LORICRIN: variants seen among roughly 807,000 people sequenced by gnomAD.
LORICRIN encodes the protein loricrin cornified envelope precursor protein.
LORICRIN carries 5 observed loss-of-function variants against 3.3 expected under a neutral mutation model. The observed-to-expected ratio is 1.52, with a 90% confidence interval of 0.79 to 3.19. The LOEUF (loss-of-function observed/expected upper bound fraction) is 3.19, where lower values mean the gene tolerates loss of function less well. Among genes scored for constraint, LORICRIN ranks in the 30% most tolerant of loss-of-function variants. The probability of loss-of-function intolerance (pLI) is 0.00; values close to 1 mark genes in which losing one functional copy is unlikely to be tolerated. For missense variants in LORICRIN, 524 were observed against 460.2 expected (o/e 1.14, Z -1.27); for synonymous variants, 237 against 231.4 (o/e 1.02, Z -0.22).
At chr1:153,260,855 C>T in intron 1 of LORICRIN, 72 bp from the exon 2 acceptor site, 3 of 1,114,724 alleles carry the variant, frequency 2.7e-6, no homozygotes, top group Non-Finnish European at 4.0e-6. Flanking sequence ...GGCGATGTTG[C>T]CTATGGATGC....
rs765886859 is a variant in LORICRIN at position 153,261,759 on chromosome 1, C to T, written c.810C>T (p.Ser270=). The T allele has an allele frequency of 2.5e-6, 4 of 1,580,106 alleles. No homozygotes were observed. Among genetic ancestry groups the T allele is most frequent in the African/African-American group, 2.7e-5 (2 of 73,614 alleles). ...GSGCIISGGG[S]VCGGGSSGGG... ...GCTGCATCATCAGTGGCGGGGGCTC[C>T]GTCTGCGGAGGTGGTTCCTCTGGAG... The change falls in exon 2 of 2, where the codon TCC becomes TCT. Residue 270 remains serine (S), a synonymous_variant. Coordinates refer to ENST00000368742, the MANE Select transcript of LORICRIN (RefSeq NM_000427.3).
Position 153,261,118 on chromosome 1 carries a change from G to A in LORICRIN, c.169G>A (p.Gly57Ser). 7 of 1,386,022 alleles carry A rather than the reference G, an allele frequency of 5.1e-6. No individual in the cohort carries two copies. In the South Asian group the frequency reaches 1.0e-4, roughly 20 times the overall value. 85.9% of individuals were successfully genotyped at this position (1,386,022 alleles called of 1,614,324 possible). A position where few individuals can be genotyped will look rare whatever the true frequency, so the allele number is the denominator to read the frequency against. The change falls in exon 2 of 2, where the codon GGT becomes AGT. Residue 57 changes from glycine to serine, a missense_variant. Coordinates refer to ENST00000368742, the MANE Select transcript of LORICRIN (RefSeq NM_000427.3). ...SGSGCGYSGG[G>S]GYSGGGCGGG... ...TTCTGGCTGCGGCTACTCCGGCGGCGGTGGCTACTCTGGCGGCGGCTGCGG... is the reference window on the plus strand; with the variant it reads ...TTCTGGCTGCGGCTACTCCGGCGGCAGTGGCTACTCTGGCGGCGGCTGCGG...
chr1:153,261,209 G>C lies in LORICRIN; in HGVS notation c.260G>C (p.Ser87Thr). ...GGCTGCGGAGGGGGCTCCGGTGGGAGCGTCAAGTACTCCGGAGGCGGCGGC... is the reference window on the plus strand; with the variant it reads ...GGCTGCGGAGGGGGCTCCGGTGGGACCGTCAAGTACTCCGGAGGCGGCGGC... ...IGGCGGGSGG[S>T]VKYSGGGGSS... The change falls in exon 2 of 2, where the codon AGC becomes ACC. Residue 87 changes from serine (S) to threonine (T), a missense_variant. Coordinates refer to ENST00000368742, the MANE Select transcript of LORICRIN (RefSeq NM_000427.3). 7.4e-7 allele frequency: 1 copy of C among 1,352,196 alleles called. No individual in the cohort carries two copies. The highest frequency in any genetic ancestry group is 9.5e-7 in the Non-Finnish European group (1 of 1,056,624). The allele number at this position is 1,352,196 out of a possible 1,614,324, so 83.8% of individuals were successfully genotyped here. A position where few individuals can be genotyped will look rare whatever the true frequency, so the allele number is the denominator to read the frequency against.
Position 153,261,018 on chromosome 1 carries a change from T to TGGCGGTGGC in LORICRIN, c.75_83dup (p.Gly26_Gly28dup), listed in dbSNP as rs760649690. ...ACTGCGTGAAGACCTCTGGCGGCGG[T>TGGCGGTGGC]GGCGGTGGCGGCGGCAGCGGCGGTG... is the stretch of plus-strand genomic sequence containing the variant. On this transcript the variant is annotated inframe_insertion, in exon 2 of 2. Coordinates refer to ENST00000368742, the MANE Select transcript of LORICRIN (RefSeq NM_000427.3). 27 of 1,564,792 alleles carry TGGCGGTGGC rather than the reference T, an allele frequency of 1.7e-5. No homozygotes were observed. Among genetic ancestry groups the TGGCGGTGGC allele is most frequent in the Non-Finnish European group, 2.3e-5 (26 of 1,152,796 alleles).
At position 153,261,537 on chromosome 1, in the gene LORICRIN, C is replaced by A; in HGVS notation, c.588C>A (p.Cys196Ter). 1.3e-6 allele frequency: 2 copies of A among 1,512,782 alleles called. No individual in the cohort carries two copies. The highest frequency in any genetic ancestry group is 1.8e-6 in the Non-Finnish European group (2 of 1,135,204). The allele number at this position is 1,512,782 out of a possible 1,614,324, so 93.7% of individuals were successfully genotyped here. A position where few individuals can be genotyped will look rare whatever the true frequency, so the allele number is the denominator to read the frequency against. ...VCGYSGGGSG[C>*]GGGSSGGSGS... is the part of the protein sequence containing the mutation. Reference sequence around the variant, plus strand: ...GCTACTCTGGCGGCGGCTCTGGCTGCGGCGGAGGCTCCTCTGGCGGCAGCG... The same window carrying A: ...GCTACTCTGGCGGCGGCTCTGGCTGAGGCGGAGGCTCCTCTGGCGGCAGCG... The change falls in exon 2 of 2, where the codon TGC becomes TGA. Residue 196 changes from cysteine (C) to a stop codon, truncating the protein, a stop_gained. Coordinates refer to ENST00000368742, the MANE Select transcript of LORICRIN (RefSeq NM_000427.3). LOFTEE classifies it low-confidence loss of function (END_TRUNC).
At chr1:153,259,886 G>C (rs575672896) in intron 1 of LORICRIN, among the ~76,000 whole-genome samples, 153 bp downstream of exon 1, 33 of 152,330 alleles carry the variant, frequency 2.2e-4, no homozygotes, top group Admixed American at 9.1e-4. Context: ...CAGGAAAGGA[G>C]CAGGGGATGA....
chr1:153,261,735 C>T lies in LORICRIN; in HGVS notation c.786C>T (p.Gly262=), dbSNP rs763912292. 2.3e-5 allele frequency: 37 copies of T among 1,587,002 alleles called. No individual in the cohort carries two copies. The highest frequency in any genetic ancestry group is 2.7e-5 in the Non-Finnish European group (32 of 1,170,974). Residue 262 remains glycine, a synonymous_variant, in exon 2 of 2, where the codon GGC becomes GGT. Coordinates refer to ENST00000368742, the MANE Select transcript of LORICRIN (RefSeq NM_000427.3). ...GCGGCTCCTCCGGGATTGGCAGCGGCTGCATCATCAGTGGCGGGGGCTCCG... is the reference window on the plus strand; with the variant it reads ...GCGGCTCCTCCGGGATTGGCAGCGGTTGCATCATCAGTGGCGGGGGCTCCG... ...CGGGSSGIGS[G]CIISGGGSVC...
At chr1:153,260,896 G>A in intron 1 of LORICRIN, 31 bp from the exon 2 acceptor site, 1 of 1,454,806 alleles carries the variant, frequency 6.9e-7, no homozygotes, top group Non-Finnish European at 9.5e-7. Flanking sequence ...TCTTGCAGCT[G>A]GTCCAGCGAT....
rs1658818524 is a variant in LORICRIN, at chr1:153,261,918, G to A, written c.*30G>A. On this transcript the variant is annotated 3_prime_UTR_variant, in exon 2 of 2. Coordinates refer to ENST00000368742, the MANE Select transcript of LORICRIN (RefSeq NM_000427.3). ...CCCAGGGTACCACGGAGGCGAAGGA[G>A]TTGGAGGTGTTTTCCAGGGGCACCG... is the stretch of plus-strand genomic sequence containing the variant. 6.2e-7 allele frequency: 1 copy of A among 1,600,552 alleles called. No homozygotes were observed. Among genetic ancestry groups the A allele is most frequent in the African/African-American group, 1.3e-5 (1 of 74,680 alleles).
chr1:153,261,296 C>A lies in LORICRIN; in HGVS notation c.347C>A (p.Ser116Tyr), dbSNP rs1185570421. ...SGGGGSGCFS[S>Y]GGGGSSGGGS... ...GGGGGCGGCTCCGGCTGCTTCTCCT[C>A]CGGTGGCGGCGGCTCCTCCGGGGGC... Residue 116 changes from serine (S) to tyrosine (Y), a missense_variant, in exon 2 of 2, where the codon TCC (serine) becomes TAC (tyrosine). By Grantham distance (144) the Ser-to-Tyr change is moderately radical. Coordinates refer to ENST00000368742, the MANE Select transcript of LORICRIN (RefSeq NM_000427.3). 2 of 1,432,758 alleles carry A rather than the reference C, an allele frequency of 1.4e-6. No homozygotes were observed. The highest frequency in any genetic ancestry group is 1.4e-5 in the South Asian group (1 of 71,110). 88.8% of individuals were successfully genotyped at this position (1,432,758 alleles called of 1,614,324 possible).
chr1:153,261,027 C>CGGT lies in LORICRIN; in HGVS notation c.80_81insTGG (p.Gly28dup), dbSNP rs780328399. The stretch of plus-strand genomic sequence containing the variant: ...AGACCTCTGGCGGCGGTGGCGGTGG[C>CGGT]GGCGGCAGCGGCGGTGGTGGCTGCG... On this transcript the variant is annotated inframe_insertion, in exon 2 of 2. Transcript: ENST00000368742. 133 of 1,557,822 alleles carry CGGT rather than the reference C, an allele frequency of 8.5e-5. No homozygotes were observed. The highest frequency in any genetic ancestry group is 3.4e-4 in the Admixed American group (19 of 55,776).
rs769511015 is a variant in LORICRIN at position 153,261,898 on chromosome 1, G to T, written c.*10G>T. Reference sequence around the variant, plus strand: ...CTGGCCGTCCAAATAGATCCCCCAGGGTACCACGGAGGCGAAGGAGTTGGA... The same window carrying T: ...CTGGCCGTCCAAATAGATCCCCCAGTGTACCACGGAGGCGAAGGAGTTGGA... On this transcript the variant is annotated 3_prime_UTR_variant, in exon 2 of 2. Coordinates refer to ENST00000368742, the MANE Select transcript of LORICRIN (RefSeq NM_000427.3). The T allele has an allele frequency of 6.2e-7, 1 of 1,610,116 alleles. No homozygotes were observed. The highest frequency in any genetic ancestry group is 2.2e-5 in the East Asian group (1 of 44,766).
chr1:153,260,205 G>A (rs1658730796), intron 1 of LORICRIN, among the ~76,000 whole-genome samples: 1 of 152,228 alleles, frequency 6.6e-6, no homozygotes, highest in Admixed American at 6.5e-5. Context: ...TTCTGAGAGG[G>A]AAATACAACT....
Position 153,261,630 on chromosome 1 carries a change from G to GGGGT in LORICRIN, c.682_685dup (p.Ser229TrpfsTer108). On this transcript the variant is annotated frameshift_variant, in exon 2 of 2. Transcript: ENST00000368742. LOFTEE classifies it low-confidence loss of function (END_TRUNC). Reference sequence around the variant, plus strand: ...GCGCGCCCCAGCCGAGTTACGGAGGGGGGTCGTCCGGCGGCGGCGGCAGCG... The same window carrying GGGGT: ...GCGCGCCCCAGCCGAGTTACGGAGGGGGGTGGGTCGTCCGGCGGCGGCGGCAGCG... 6.7e-7 allele frequency: 1 copy of GGGGT among 1,497,694 alleles called. No individual in the cohort carries two copies. The highest frequency in any genetic ancestry group is 8.8e-7 in the Non-Finnish European group (1 of 1,132,280). 92.8% of individuals were successfully genotyped at this position (1,497,694 alleles called of 1,614,324 possible).
chr1:153,261,655 G>A lies in LORICRIN; in HGVS notation c.706G>A (p.Gly236Ser), dbSNP rs2101704939. The A allele has an allele frequency of 2.0e-6, 3 of 1,515,728 alleles. No homozygotes were observed. Among genetic ancestry groups the A allele is most frequent in the Non-Finnish European group, 2.6e-6 (3 of 1,140,420 alleles). 93.9% of individuals were successfully genotyped at this position (1,515,728 alleles called of 1,614,324 possible). A position where few individuals can be genotyped will look rare whatever the true frequency, so the allele number is the denominator to read the frequency against. Residue 236 changes from glycine (G) to serine (S), a missense_variant, in exon 2 of 2, where the codon GGC becomes AGC. Coordinates refer to ENST00000368742, the MANE Select transcript of LORICRIN (RefSeq NM_000427.3). ...GGGSSGGGGSGGSGCFSSGGG... is the reference protein window; with the variant it reads ...GGGSSGGGGSSGSGCFSSGGG... ...GGGGTCGTCCGGCGGCGGCGGCAGCGGCGGAAGCGGCTGCTTCTCCAGCGG... is the reference window on the plus strand; with the variant it reads ...GGGGTCGTCCGGCGGCGGCGGCAGCAGCGGAAGCGGCTGCTTCTCCAGCGG...
Position 153,261,658 on chromosome 1 carries a change from G to T in LORICRIN, c.709G>T (p.Gly237Ter). ...GGSSGGGGSGGSGCFSSGGGG... is the reference protein window; with the variant it reads ...GGSSGGGGSG ...GTCGTCCGGCGGCGGCGGCAGCGGC[G>T]GAAGCGGCTGCTTCTCCAGCGGCGG... is the stretch of plus-strand genomic sequence containing the variant. Residue 237 changes from glycine to a stop codon, truncating the protein, a stop_gained, in exon 2 of 2, where the codon GGA (glycine) becomes TGA (stop). Coordinates refer to ENST00000368742, the MANE Select transcript of LORICRIN (RefSeq NM_000427.3). LOFTEE classifies it low-confidence loss of function (END_TRUNC). 6.6e-7 allele frequency: 1 copy of T among 1,516,732 alleles called. No homozygotes were observed. Among genetic ancestry groups the T allele is most frequent in the Non-Finnish European group, 8.8e-7 (1 of 1,140,984 alleles). 94.0% of individuals were successfully genotyped at this position (1,516,732 alleles called of 1,614,324 possible). A position where few individuals can be genotyped will look rare whatever the true frequency, so the allele number is the denominator to read the frequency against.
At position 153,262,023 on chromosome 1, in the gene LORICRIN, C is replaced by A; in HGVS notation, c.*135C>A. The A allele has an allele frequency of 1.0e-6, 1 of 959,502 alleles. No homozygotes were observed. Among genetic ancestry groups the A allele is most frequent in the Non-Finnish European group, 1.6e-6 (1 of 609,508 alleles). The allele number at this position is 959,502 out of a possible 1,614,324, so 59.4% of individuals were successfully genotyped here. A position where few individuals can be genotyped will look rare whatever the true frequency, so the allele number is the denominator to read the frequency against. On this transcript the variant is annotated 3_prime_UTR_variant, in exon 2 of 2. Transcript: ENST00000368742. ...AACCTACCTGGAAGAAGCCATTGAG[C>A]TCTCCGGCTGCATCTAGTTCTGCTG...
rs367909890 is a variant in LORICRIN, at chr1:153,261,957, T to A, written c.*69T>A. On this transcript the variant is annotated 3_prime_UTR_variant, in exon 2 of 2. Coordinates refer to ENST00000368742, the MANE Select transcript of LORICRIN (RefSeq NM_000427.3). ...CCAGGGGCACCGATGGGCTTAGAGC[T>A]CTCATGATGCTACCCGAGGTTTGCA... 11 of 1,481,272 alleles carry A rather than the reference T, an allele frequency of 7.4e-6. No individual in the cohort carries two copies. The highest frequency in any genetic ancestry group is 1.0e-5 in the Non-Finnish European group (11 of 1,077,000). 91.8% of individuals were successfully genotyped at this position (1,481,272 alleles called of 1,614,324 possible).
Position 153,261,323 on chromosome 1 carries a change from G to A in LORICRIN, c.374G>A (p.Gly125Asp). 6.8e-7 allele frequency: 1 copy of A among 1,469,044 alleles called. No individual in the cohort carries two copies. The highest frequency in any genetic ancestry group is 8.9e-7 in the Non-Finnish European group (1 of 1,118,344). The allele number at this position is 1,469,044 out of a possible 1,614,324, so 91.0% of individuals were successfully genotyped here. A position where few individuals can be genotyped will look rare whatever the true frequency, so the allele number is the denominator to read the frequency against. Residue 125 changes from glycine (G) to aspartate (D), a missense_variant, in exon 2 of 2, where the codon GGC becomes GAC. Transcript: ENST00000368742. ...SSGGGGSSGGGSGCFSSGGGG... is the reference protein window; with the variant it reads ...SSGGGGSSGGDSGCFSSGGGG... ...GGTGGCGGCGGCTCCTCCGGGGGCG[G>A]CTCCGGCTGCTTCTCCAGCGGTGGG...
Sources: allele counts gnomAD v4.1 joint callset (sites outside exome capture counted in the v4.1 genomes callset), GRCh38; gene constraint gnomAD v4.1.1; transcripts MANE v1.5; gene names NCBI Gene and HGNC (gene_info 2026-07-23, HGNC 2026-07-21).